Variants in DET1 observed in about 807,000 individuals in gnomAD.
DET1 encodes the protein DET1 homolog.
Under a neutral mutation model 43.7 loss-of-function variants are expected in DET1, and 22 were observed. The ratio of observed to expected loss-of-function variants is 0.50; its 90% CI spans 0.36 to 0.72. The LOEUF (loss-of-function observed/expected upper bound fraction) is 0.72. Among genes scored for constraint, DET1 ranks in the 30% least tolerant of loss-of-function variants. DET1 has a pLI of 0.00. For synonymous variants in DET1, 315 were observed against 266.2 expected, an observed-to-expected ratio of 1.18 and a Z score of -1.79; for missense variants, 713 against 713.3, an observed-to-expected ratio of 1.00 and a Z score of 0.00.
At chr15:88,513,201 C>T (rs1476994165) in intron 4 of DET1, 61 bp from the exon 5 acceptor site, 26 of 1,491,362 alleles carry the variant, frequency 1.7e-5, no homozygotes, top group South Asian at 5.2e-5. Flanking sequence ...CACCATCGAA[C>T]TGAAATCTAG....
intron 1 of DET1, among the ~76,000 whole-genome samples, chr15:88,533,852 TAAAAAAAAAA>T (rs368408722): frequency 2.5e-4 from 10 of 39,218 alleles, no homozygotes; most frequent in Non-Finnish European, 5.4e-4. Flanking sequence ...ACCCAATCTC[TAAAAAAAAAA>T]AAAAAAAAAA....
At chr15:88,513,460 G>A (rs1027624174) in intron 4 of DET1, among the ~76,000 whole-genome samples, 2 of 151,916 alleles carry the variant, frequency 1.3e-5, no homozygotes, top group Non-Finnish European at 2.9e-5. Flanking sequence ...GTCTAGGCCA[G>A]GGCTAAAAAT....
chr15:88,522,675 AT>A (rs995755992), intron 3 of DET1, among the ~76,000 whole-genome samples: 3 of 150,462 alleles, frequency 2.0e-5, no homozygotes, highest in African/African-American at 7.3e-5. Flanking sequence ...CACACGGCTA[AT>A]TTTTTTTGTA....
At chr15:88,535,103 G>C (rs753514814) in intron 1 of DET1, among the ~76,000 whole-genome samples, 3 of 152,118 alleles carry the variant, frequency 2.0e-5, no homozygotes, top group Admixed American at 1.3e-4. Flanking sequence ...AGAAACAGAA[G>C]ATATTTCTTA....
At chr15:88,510,758 TG>T (rs1236188977), downstream of DET1, among the ~76,000 whole-genome samples, 7 of 150,564 alleles carry the variant, frequency 4.6e-5, no homozygotes, top group South Asian at 8.4e-4. Context: ...GTTGTTGTTT[TG>T]TTTTTTTTTT....
Position 88,543,789 on chromosome 15 carries a change from C to T in DET1, c.-11+2751G>A, listed in dbSNP as rs375534218. Among the ~76,000 whole-genome samples, 101 of 152,296 alleles carry T rather than the reference C, an allele frequency of 6.6e-4. 1 individual carries two copies. The highest frequency in any genetic ancestry group is 2.3e-3 in the African/African-American group (95 of 41,558). On this transcript the variant is annotated intron_variant, in intron 1 of 4. Coordinates refer to ENST00000268148, the MANE Select transcript of DET1 (RefSeq NM_001144074.3). ...CTACTGTGCATGTACATGGAGCCAT[C>T]TACCAGAAGCGTGGGCTACTCACCT...
Position 88,513,010 on chromosome 15 carries a change from C to A in DET1, c.1594G>T (p.Val532Leu). ...FHPFEPFAIS[V>L]QRTNAEYVVN... is the part of the protein sequence containing the mutation. The stretch of plus-strand genomic sequence containing the variant: ...ACATACTCAGCATTAGTCCTCTGCA[C>A]AGAAATAGCGAAAGGCTCAAAAGGG... The change falls in exon 5 of 5, where the codon GTG becomes TTG. Residue 532 changes from valine to leucine, a missense_variant. Coordinates refer to ENST00000268148, the MANE Select transcript of DET1 (RefSeq NM_001144074.3). 6.2e-7 allele frequency: 1 copy of A among 1,614,044 alleles called. No individual in the cohort carries two copies. Among genetic ancestry groups the A allele is most frequent in the Non-Finnish European group, 8.5e-7 (1 of 1,179,898 alleles).
intron 1 of DET1, among the ~76,000 whole-genome samples, chr15:88,539,661 A>G (rs1008836515): frequency 1.3e-5 from 2 of 152,092 alleles, no homozygotes; most frequent in Non-Finnish European, 2.9e-5. Context: ...TTGTCACAAG[A>G]GGTTAAATTT....
intron 1 of DET1, among the ~76,000 whole-genome samples, chr15:88,543,977 C>A (rs1012243357): frequency 6.6e-6 from 1 of 152,170 alleles, no homozygotes; most frequent in Non-Finnish European, 1.5e-5. Context: ...AAAACCACAC[C>A]GGGCTAGGTA....
In DET1 at chr15:88,537,374, G is replaced by T. The variant is rs138364223; in HGVS notation, c.-10-5659C>A. 1.7e-3 allele frequency among the ~76,000 whole-genome samples: 255 copies of T among 152,128 alleles called. 5 individuals are homozygous for T. The South Asian group carries it at 0.042, about 25-fold the overall frequency. ...CCATCTCTCACCTCCTGGATTTTTTGGGGTCTCACTCTGTCGCCCAGGCTG... is the reference window on the plus strand; with the variant it reads ...CCATCTCTCACCTCCTGGATTTTTTTGGGTCTCACTCTGTCGCCCAGGCTG... On this transcript the variant is annotated intron_variant, in intron 1 of 4. Transcript: ENST00000268148.
At chr15:88,510,943 T>A (rs2056193630), downstream of DET1, among the ~76,000 whole-genome samples, 1 of 151,912 alleles carries the variant, frequency 6.6e-6, no homozygotes, top group South Asian at 2.1e-4. Flanking sequence ...CCCGCTAATT[T>A]TTTTATTTAT....
Position 88,513,002 on chromosome 15 carries a change from C to T in DET1, c.1602G>A (p.Arg534=). The change falls in exon 5 of 5, where the codon AGG becomes AGA. Residue 534 remains arginine (R), a synonymous_variant. Transcript: ENST00000268148. ...PFEPFAISVQ[R]TNAEYVVNFH... Reference sequence around the variant, plus strand: ...AGTTGACAACATACTCAGCATTAGTCCTCTGCACAGAAATAGCGAAAGGCT... The same window carrying T: ...AGTTGACAACATACTCAGCATTAGTTCTCTGCACAGAAATAGCGAAAGGCT... 1 of 1,614,062 alleles carries T rather than the reference C, an allele frequency of 6.2e-7. No individual in the cohort carries two copies. The highest frequency in any genetic ancestry group is 8.5e-7 in the Non-Finnish European group (1 of 1,179,906).
intron 8 of DET1, chr15:88,502,090 C>G (rs2056094311): frequency 6.6e-6 from 1 of 152,164 alleles, no homozygotes; most frequent in South Asian, 2.1e-4. Flanking sequence ...CTGCCCCTTC[C>G]AAGTCCATCA....
chr15:88,536,432 G>C (rs878882034), intron 1 of DET1: 2 of 690,278 alleles, frequency 2.9e-6, no homozygotes, highest in Admixed American at 2.4e-5. Context: ...ATAATTAATG[G>C]AGCAACAATT....
At chr15:88,538,765 A>C (rs1401823896) in intron 1 of DET1, among the ~76,000 whole-genome samples, 1 of 152,126 alleles carries the variant, frequency 6.6e-6, no homozygotes, top group Non-Finnish European at 1.5e-5. Flanking sequence ...CAGGTCCCCA[A>C]ACAGTGACCA....
At chr15:88,511,645 C>T, downstream of DET1, 1 of 978,846 alleles carries the variant, frequency 1.0e-6, no homozygotes, top group Non-Finnish European at 1.2e-6. Context: ...GTCTATTTCT[C>T]TCCTCATCCT....
rs763305785 is a variant in DET1, at chr15:88,516,965, T to C, written c.1280A>G (p.Asp427Gly). 6.3e-7 allele frequency: 1 copy of C among 1,581,684 alleles called. No homozygotes were observed. Among genetic ancestry groups the C allele is most frequent in the Non-Finnish European group, 8.6e-7 (1 of 1,166,380 alleles). Residue 427 changes from aspartate to glycine, a missense_variant, in exon 4 of 5, where the codon GAC becomes GGC. Physicochemically the swap from Asp to Gly is moderately conservative, Grantham distance 94. Coordinates refer to ENST00000268148, the MANE Select transcript of DET1 (RefSeq NM_001144074.3). This position sits in a 1 kb window ranked among gnomAD's most constrained non-coding sequence, Gnocchi z 4.4. Reference sequence around the variant, plus strand: ...TCCATACTTGGCATTTATAATAGTGTCTTTGAACCTAAATGAAAGGACCGG... The same window carrying C: ...TCCATACTTGGCATTTATAATAGTGCCTTTGAACCTAAATGAAAGGACCGG... ...FARQIQRRFK[D>G]TIINAKYGGH...
At chr15:88,508,707 C>T (rs2056167586), downstream of DET1, among the ~76,000 whole-genome samples, 1 of 151,814 alleles carries the variant, frequency 6.6e-6, no homozygotes, top group Non-Finnish European at 1.5e-5. Context: ...GGGGTGGAGA[C>T]AGAGACTTCT....
chr15:88,544,477 C>T (rs189062257), intron 1 of DET1, among the ~76,000 whole-genome samples: 147 of 152,330 alleles, frequency 9.7e-4, no homozygotes, highest in Middle Eastern at 3.4e-3. Flanking sequence ...ATCTCCCCAA[C>T]AGGTACAAGA....
Sources: allele counts gnomAD v4.1 joint callset (sites outside exome capture counted in the v4.1 genomes callset), GRCh38; gene constraint gnomAD v4.1.1; non-coding constraint Gnocchi (gnomAD v3.1); transcripts MANE v1.5; gene names NCBI Gene and HGNC (gene_info 2026-07-23, HGNC 2026-07-21).